GINS1: variants seen among roughly 807,000 people sequenced by gnomAD.
GINS1 encodes the protein DNA replication complex GINS protein PSF1.
In GINS1, 26 loss-of-function variants were observed where a neutral mutation model predicts 34.9. The observed-to-expected ratio is 0.74, with a 90% CI of 0.55 to 1.03. The LOEUF is 1.03. Among genes scored for constraint, GINS1 ranks in the 50% least tolerant of loss-of-function variants. GINS1 has a pLI of 0.00. For missense variants in GINS1, 235 were observed against 237.9 expected (o/e 0.99, Z 0.08); for synonymous variants, 97 against 84.4 (o/e 1.15, Z -0.82).
At chr20:25,420,993 C>G (rs887807173) in intron 4 of GINS1, 18 of 981,294 alleles carry the variant, frequency 1.8e-5, no homozygotes, top group Non-Finnish European at 2.2e-5. Context: ...TTCCAGGTAT[C>G]CCTGACAGCT....
At chr20:25,412,993 A>G (rs1897437504) in intron 1 of GINS1, among the ~76,000 whole-genome samples, 2 of 151,752 alleles carry the variant, frequency 1.3e-5, no homozygotes, top group Admixed American at 1.3e-4. Flanking sequence ...TGTGTCAGGC[A>G]TCTCTTGCTC....
chr20:25,426,835 T>C (rs1005071053), intron 5 of GINS1, among the ~76,000 whole-genome samples: 1 of 152,170 alleles, frequency 6.6e-6, no homozygotes, highest in African/African-American at 2.4e-5. Context: ...CAGAATTTCC[T>C]TCCTTTTTAA....
intron 5 of GINS1, among the ~76,000 whole-genome samples, chr20:25,431,894 G>A (rs1327956371): frequency 1.3e-5 from 2 of 151,482 alleles, no homozygotes; most frequent in African/African-American, 4.9e-5. Context: ...TTGAGACAGA[G>A]TCTCACTGTA....
chr20:25,419,104 G>A (rs2090338778), intron 4 of GINS1, among the ~76,000 whole-genome samples: 3 of 152,120 alleles, frequency 2.0e-5, no homozygotes. Context: ...GAGGGAGAGA[G>A]GCCCACCAAA....
intron 1 of GINS1, chr20:25,409,159 T>C (rs956660981): frequency 5.1e-5 from 16 of 310,824 alleles, no homozygotes; most frequent in African/African-American, 3.6e-4. Flanking sequence ...CTGTGGGGAG[T>C]CTAGGAAGGT....
intron 5 of GINS1, among the ~76,000 whole-genome samples, chr20:25,430,117 A>C (rs2090418715): frequency 6.6e-6 from 1 of 152,290 alleles, no homozygotes; most frequent in African/African-American, 2.4e-5. Context: ...TTTACCATAG[A>C]GGCCAGGCTG....
chr20:25,410,596 C>G (rs1207082025), intron 1 of GINS1, among the ~76,000 whole-genome samples: 2 of 151,990 alleles, frequency 1.3e-5, no homozygotes, highest in Non-Finnish European at 2.9e-5. Flanking sequence ...GAGTTTCGCT[C>G]CTGTGGCCCA....
At chr20:25,417,659 C>T (rs2090329517) in intron 3 of GINS1, among the ~76,000 whole-genome samples, 1 of 152,066 alleles carries the variant, frequency 6.6e-6, no homozygotes, top group African/African-American at 2.4e-5. Flanking sequence ...AGTTCGAGAC[C>T]AGCCTGGCCA....
At chr20:25,433,176 T>G (rs1288293571) in intron 5 of GINS1, among the ~76,000 whole-genome samples, 1 of 152,114 alleles carries the variant, frequency 6.6e-6, no homozygotes, top group Non-Finnish European at 1.5e-5. Flanking sequence ...TTTAACATAA[T>G]TACTGATAAG....
intron 6 of GINS1, among the ~76,000 whole-genome samples, chr20:25,442,334 ATCTATCTGTCTG>A (rs977521289): frequency 1.2e-4 from 16 of 135,512 alleles, no homozygotes; most frequent in East Asian, 1.1e-3. Flanking sequence ...CCATCTATCT[ATCTATCTGTCTG>A]TCTGTCTGTC....
intron 4 of GINS1, among the ~76,000 whole-genome samples, chr20:25,424,066 C>T (rs2090376347): frequency 6.6e-6 from 1 of 152,180 alleles, no homozygotes. Flanking sequence ...ACAGATCTGC[C>T]TCTCCCATCA....
chr20:25,417,477 T>G (rs1202756357), intron 3 of GINS1, among the ~76,000 whole-genome samples: 1 of 152,202 alleles, frequency 6.6e-6, no homozygotes, highest in Non-Finnish European at 1.5e-5. Flanking sequence ...GTGTTTCACT[T>G]GTTGGTGCCA....
chr20:25,428,406 T>C (rs2090405168), intron 5 of GINS1, among the ~76,000 whole-genome samples: 1 of 130,496 alleles, frequency 7.7e-6, no homozygotes, highest in South Asian at 2.7e-4. Context: ...TCTTTTTTTT[T>C]TTTTTTTTTT....
intron 6 of GINS1, among the ~76,000 whole-genome samples, chr20:25,443,933 C>T (rs1356337404): frequency 1.3e-5 from 2 of 149,266 alleles, no homozygotes; most frequent in African/African-American, 2.5e-5. Context: ...TCTGTAGAAT[C>T]TGTGGTGTAG....
intron 4 of GINS1, among the ~76,000 whole-genome samples, chr20:25,424,641 T>C (rs574213627): frequency 1.3e-5 from 2 of 152,168 alleles, no homozygotes; most frequent in African/African-American, 4.8e-5. Flanking sequence ...TCTTCCCTCC[T>C]CCCAGCTCCT....
At chr20:25,418,236 T>A in intron 4 of GINS1, 41 bp downstream of exon 4, 1 of 1,124,372 alleles carries the variant, frequency 8.9e-7, no homozygotes, top group Non-Finnish European at 1.4e-6. Context: ...TTGAAAATGC[T>A]AAAGTTCTGG....
chr20:25,435,998 A>G (rs1404079558), intron 5 of GINS1, among the ~76,000 whole-genome samples: 1 of 117,656 alleles, frequency 8.5e-6, no homozygotes, highest in Non-Finnish European at 1.8e-5. Flanking sequence ...TTTTTTTTGT[A>G]TTTTTAGTAG....
intron 4 of GINS1, among the ~76,000 whole-genome samples, chr20:25,422,770 A>G (rs1359366371): frequency 6.6e-6 from 1 of 152,170 alleles, no homozygotes; most frequent in Non-Finnish European, 1.5e-5. Flanking sequence ...GCAAGAGCTC[A>G]TTCCTTGTTT....
chr20:25,433,105 C>G (rs892291854), intron 5 of GINS1, among the ~76,000 whole-genome samples: 1 of 151,858 alleles, frequency 6.6e-6, no homozygotes, highest in Non-Finnish European at 1.5e-5. Flanking sequence ...GTGATTGGAT[C>G]GTTTTGTTTA....
Sources: allele counts gnomAD v4.1 joint callset (sites outside exome capture counted in the v4.1 genomes callset), GRCh38; gene constraint gnomAD v4.1.1; transcripts MANE v1.5; gene names NCBI Gene and HGNC (gene_info 2026-07-23, HGNC 2026-07-21).